PCDH7: variants seen among roughly 807,000 people sequenced by gnomAD.
The protein encoded by PCDH7 is protocadherin-7.
In PCDH7, 17 loss-of-function variants were observed where a neutral mutation model predicts 58.9. The observed-to-expected ratio is 0.29, with a 90% CI of 0.20 to 0.43. The LOEUF is 0.43. PCDH7 is among the 20% of genes least tolerant of loss of function. PCDH7 has a pLI of 1.00. For missense variants in PCDH7, 1,274 were observed against 1,441.0 expected (o/e 0.88, Z 1.88); for synonymous variants, 664 against 616.4 (o/e 1.08, Z -1.14).
rs1412155533 is a variant in PCDH7 at position 30,723,925 on chromosome 4, G to T, written c.2503G>T (p.Val835Leu). The change falls in exon 1 of 2, where the codon GTG (valine) becomes TTG (leucine). Residue 835 changes from valine (V) to leucine (L), a missense_variant. This residue lies in a region of PCDH7 where 731 missense variants were observed against 881.9 expected (regional missense o/e 0.83). Transcript: ENST00000361762. The surrounding 1 kb of genome is among the most constrained non-coding windows in gnomAD (Gnocchi z 4.6). The stretch of plus-strand genomic sequence containing the variant: ...GCCTTCCCAGTCCACCACGACTCTG[G>T]TGCACGTGTTTGTCAATGAAAGTGT... 1 of 1,614,024 alleles carries T rather than the reference G, an allele frequency of 6.2e-7. No individual in the cohort carries two copies. Among genetic ancestry groups the T allele is most frequent in the African/African-American group, 1.3e-5 (1 of 75,006 alleles).
In PCDH7 at chr4:30,864,040, C is replaced by T. The variant is rs1030209655; in HGVS notation, c.71-56113C>T. On this transcript the variant is annotated intron_variant, in intron 1 of 3. Coordinates refer to the PCDH7 transcript ENST00000509759. Reference sequence around the variant, plus strand: ...TAATTACTTTAATCTGTGATTGGCTCAATACAGTGCACAAAAGACTGGCAG... The same window carrying T: ...TAATTACTTTAATCTGTGATTGGCTTAATACAGTGCACAAAAGACTGGCAG... 3.3e-5 allele frequency among the ~76,000 whole-genome samples: 5 copies of T among 152,144 alleles called. No individual in the cohort carries two copies. The East Asian group carries it at 9.7e-4, about 29-fold the overall frequency.
intron 1 of PCDH7, among the ~76,000 whole-genome samples, chr4:30,912,739 T>TA (rs1741955014): frequency 6.6e-6 from 1 of 152,182 alleles, no homozygotes; most frequent in African/African-American, 2.4e-5. Context: ...TAGGGTCCTA[T>TA]CCTTTTGCCA....
intron 3 of PCDH7, among the ~76,000 whole-genome samples, chr4:31,008,065 A>T (rs956568816): frequency 2.0e-5 from 3 of 152,184 alleles, no homozygotes; most frequent in African/African-American, 7.2e-5. Flanking sequence ...AACAGTCAGA[A>T]AATTACTTCT....
At position 31,081,687 on chromosome 4, in the gene PCDH7, T is replaced by A. The variant is rs73812517; in HGVS notation, c.*8-60786T>A. 4.3e-3 allele frequency among the ~76,000 whole-genome samples: 648 copies of A among 152,296 alleles called. 5 individuals are homozygous for A. The highest frequency in any genetic ancestry group is 0.015 in the African/African-American group (625 of 41,560). ...TCCATTTTTTCCATTCCCCAGCTTA[T>A]TTTTTAAGAAAGTCAAAAGTCAGAT... On this transcript the variant is annotated intron_variant, in intron 3 of 3. Coordinates refer to the PCDH7 transcript ENST00000509759.
At chr4:30,768,462 A>G (rs1031596397) in intron 1 of PCDH7, among the ~76,000 whole-genome samples, 3 of 152,208 alleles carry the variant, frequency 2.0e-5, no homozygotes, top group African/African-American at 7.2e-5. Context: ...CAGCTTCCCT[A>G]GTAAGCTCCA....
At chr4:31,000,810 T>A (rs1293230463) in intron 3 of PCDH7, among the ~76,000 whole-genome samples, 1 of 152,074 alleles carries the variant, frequency 6.6e-6, no homozygotes, top group African/African-American at 2.4e-5. Context: ...GAAAATAACC[T>A]AAATGGTGGC....
intron 1 of PCDH7, among the ~76,000 whole-genome samples, chr4:30,845,968 T>G (rs1731892421): frequency 6.6e-6 from 1 of 152,138 alleles, no homozygotes; most frequent in Non-Finnish European, 1.5e-5. Context: ...TTAAGAAATT[T>G]TGAATTTTTG....
chr4:30,948,068 T>C, intron 2 of PCDH7, among the ~76,000 whole-genome samples: 1 of 138,086 alleles, frequency 7.2e-6, no homozygotes, highest in South Asian at 2.2e-4. Context: ...ATTTATGAAA[T>C]CATTTTATAT....
chr4:31,009,580 G>C (rs1753022554), intron 3 of PCDH7, among the ~76,000 whole-genome samples: 1 of 151,892 alleles, frequency 6.6e-6, no homozygotes, highest in Non-Finnish European at 1.5e-5. Context: ...TATATTCTGT[G>C]ACTTAGATAT....
intron 3 of PCDH7, among the ~76,000 whole-genome samples, chr4:30,991,170 AG>A (rs1751434161): frequency 6.6e-6 from 1 of 152,198 alleles, no homozygotes; most frequent in African/African-American, 2.4e-5. Flanking sequence ...GAAGCAATCA[AG>A]ACTCAAGTCA....
At chr4:31,111,476 T>C (rs1257101165) in intron 3 of PCDH7, among the ~76,000 whole-genome samples, 4 of 152,036 alleles carry the variant, frequency 2.6e-5, no homozygotes, top group African/African-American at 9.6e-5. Context: ...ACCCAGATGA[T>C]TTTTTGTATT....
chr4:31,116,277 T>A (rs1395412951), intron 3 of PCDH7, among the ~76,000 whole-genome samples: 1 of 152,206 alleles, frequency 6.6e-6, no homozygotes, highest in East Asian at 1.9e-4. Flanking sequence ...GAGGCATCTT[T>A]AGTTTACCAA....
chr4:30,808,813 A>G (rs1726598158), intron 1 of PCDH7, among the ~76,000 whole-genome samples: 1 of 152,144 alleles, frequency 6.6e-6, no homozygotes. Context: ...GCTTTTACAA[A>G]CGTTTTTGTA....
At chr4:30,778,782 T>C (rs76544001) in intron 1 of PCDH7, among the ~76,000 whole-genome samples, 6 of 152,278 alleles carry the variant, frequency 3.9e-5, no homozygotes, top group African/African-American at 1.4e-4. Flanking sequence ...ACTTAGTCTT[T>C]GTTTAAATAA....
intron 1 of PCDH7, among the ~76,000 whole-genome samples, chr4:30,892,906 A>G (rs1219808357): frequency 1.3e-5 from 2 of 152,060 alleles, no homozygotes; most frequent in Admixed American, 1.3e-4. Context: ...CCCTCCCATC[A>G]GTTTATCACT....
intron 1 of PCDH7, among the ~76,000 whole-genome samples, chr4:30,779,003 GTTTT>G (rs386399674): frequency 1.4e-5 from 1 of 73,008 alleles, no homozygotes; most frequent in Non-Finnish European, 2.4e-5. Flanking sequence ...TCCTTACTCC[GTTTT>G]TTTTTTTTTT....
At chr4:30,771,953 C>T (rs1429765430) in intron 1 of PCDH7, among the ~76,000 whole-genome samples, 2 of 151,058 alleles carry the variant, frequency 1.3e-5, no homozygotes, top group Non-Finnish European at 3.0e-5. Context: ...TCATTGGAAC[C>T]TTCGCCTCCA....
At chr4:31,045,224 T>C (rs1447919526) in intron 3 of PCDH7, among the ~76,000 whole-genome samples, 2 of 152,068 alleles carry the variant, frequency 1.3e-5, no homozygotes, top group African/African-American at 2.4e-5. Flanking sequence ...TTATCTGAAG[T>C]GGAATCTCTG....
At position 30,877,206 on chromosome 4, in the gene PCDH7, A is replaced by C. The variant is rs577845512; in HGVS notation, c.71-42947A>C. ...GGAGTGTGGAAAGAATAACAACAAA[A>C]AAAGAAAACAAAAGCTAGACAGGCC... On this transcript the variant is annotated intron_variant, in intron 1 of 3. Coordinates refer to the PCDH7 transcript ENST00000509759. 1.8e-4 allele frequency among the ~76,000 whole-genome samples: 27 copies of C among 152,218 alleles called. No individual in the cohort carries two copies. In the East Asian group the frequency reaches 4.1e-3, roughly 23 times the overall value.
Sources: allele counts gnomAD v4.1 joint callset (sites outside exome capture counted in the v4.1 genomes callset), GRCh38; gene constraint gnomAD v4.1.1; regional missense constraint gnomAD v4.1.1; non-coding constraint Gnocchi (gnomAD v3.1); transcripts MANE v1.5; gene names NCBI Gene and HGNC (gene_info 2026-07-23, HGNC 2026-07-21).